The following ANKRD31 variants were observed in gnomAD, a reference collection of about 807,000 sequenced individuals.
The protein encoded by ANKRD31 is ankyrin repeat domain-containing protein 31.
ANKRD31 carries 147 observed loss-of-function variants against 186.0 expected under a neutral mutation model. That is an observed-to-expected ratio of 0.79 (90% CI 0.69 to 0.91). The LOEUF is 0.91. ANKRD31 is among the 40% of genes least tolerant of loss of function. The pLI, the probability that ANKRD31 is intolerant of heterozygous loss-of-function variation, is 0.00. For synonymous variants in ANKRD31, 673 were observed against 736.4 expected, an observed-to-expected ratio of 0.91 and a Z score of 1.39; for missense variants, 1,986 against 2,148.8, an observed-to-expected ratio of 0.92 and a Z score of 1.50.
At chr5:75,117,680 A>C (rs1027895376) in intron 18 of ANKRD31, among the ~76,000 whole-genome samples, 1 of 152,128 alleles carries the variant, frequency 6.6e-6, no homozygotes. Context: ...ATACTTAATA[A>C]AATATAAAGT....
intron 10 of ANKRD31, among the ~76,000 whole-genome samples, chr5:75,177,640 C>A (rs376058302): frequency 6.6e-5 from 10 of 152,102 alleles, no homozygotes; most frequent in Non-Finnish European, 1.2e-4. Flanking sequence ...ACTAAGCTTC[C>A]TAAGTGAAGG....
chr5:75,177,693 T>C (rs1753920388), intron 10 of ANKRD31, among the ~76,000 whole-genome samples: 1 of 152,182 alleles, frequency 6.6e-6, no homozygotes, highest in Non-Finnish European at 1.5e-5. Context: ...TGAGAGATTT[T>C]GTCACCACCA....
chr5:75,099,264 C>T (rs1255541531), intron 22 of ANKRD31, among the ~76,000 whole-genome samples: 2 of 152,216 alleles, frequency 1.3e-5, no homozygotes, highest in Admixed American at 6.5e-5. Context: ...ACCAGCCTTG[C>T]ATCCCAGGGA....
intron 17 of ANKRD31, among the ~76,000 whole-genome samples, chr5:75,130,542 C>T (rs576519412): frequency 2.9e-4 from 44 of 152,270 alleles, no homozygotes; most frequent in African/African-American, 8.2e-4. Flanking sequence ...CTGATTGGTG[C>T]ATTTACAAAC....
At chr5:75,220,793 G>T (rs1233967781) in intron 3 of ANKRD31, among the ~76,000 whole-genome samples, 3 of 152,066 alleles carry the variant, frequency 2.0e-5, no homozygotes, top group African/African-American at 7.2e-5. Context: ...CAGTCAAAAT[G>T]GCTATTAAAA....
intron 4 of ANKRD31, among the ~76,000 whole-genome samples, 177 bp downstream of exon 4, chr5:75,210,651 T>C (rs1181659772): frequency 1.3e-5 from 2 of 152,204 alleles, no homozygotes; most frequent in East Asian, 3.8e-4. Context: ...CAATGCTTCT[T>C]ATGAAATAAA....
chr5:75,234,522 A>G, intron 1 of ANKRD31, among the ~76,000 whole-genome samples: 1 of 152,378 alleles, frequency 6.6e-6, no homozygotes, highest in Non-Finnish European at 1.5e-5. Flanking sequence ...TGTAAGATCC[A>G]GTCTCCAAAA....
intron 17 of ANKRD31, among the ~76,000 whole-genome samples, chr5:75,119,990 T>C: frequency 6.6e-6 from 1 of 152,168 alleles, no homozygotes; most frequent in East Asian, 1.9e-4. Flanking sequence ...TGTGATATTT[T>C]GGGGAGAAAA....
chr5:75,235,301 A>G (rs918899896), intron 1 of ANKRD31, among the ~76,000 whole-genome samples: 2 of 137,790 alleles, frequency 1.5e-5, no homozygotes, highest in Non-Finnish European at 3.0e-5. Flanking sequence ...GCTGGAGTGC[A>G]GTGGAGTCAT....
At chr5:75,177,688 G>C (rs1753919748) in intron 10 of ANKRD31, among the ~76,000 whole-genome samples, 1 of 152,170 alleles carries the variant, frequency 6.6e-6, no homozygotes, top group African/African-American at 2.4e-5. Context: ...AATGCTGAGA[G>C]ATTTTGTCAC....
At chr5:75,114,135 T>C (rs1748007800) in intron 19 of ANKRD31, among the ~76,000 whole-genome samples, 1 of 152,178 alleles carries the variant, frequency 6.6e-6, no homozygotes, top group South Asian at 2.1e-4. Context: ...GCTATGTTCT[T>C]TTTTTTCAAA....
intron 12 of ANKRD31, among the ~76,000 whole-genome samples, chr5:75,150,544 T>C (rs527829536): frequency 3.5e-4 from 53 of 152,100 alleles, no homozygotes; most frequent in African/African-American, 1.2e-3. Flanking sequence ...TGGTGAAGCA[T>C]GATAACACAA....
intron 17 of ANKRD31, among the ~76,000 whole-genome samples, chr5:75,124,473 C>T (rs1158381966): frequency 6.6e-6 from 1 of 152,142 alleles, no homozygotes; most frequent in Non-Finnish European, 1.5e-5. Context: ...TAAAAAGATA[C>T]TTGTACTCAA....
chr5:75,080,620 G>A lies in ANKRD31; in HGVS notation c.5595C>T (p.Asp1865=). The change falls in exon 25 of 26, where the codon GAC becomes GAT. Residue 1865 remains aspartate (D), a synonymous_variant. Coordinates refer to ENST00000506364, the MANE Select transcript of ANKRD31 (RefSeq NM_001372053.1). ...TTGATTTGTTTGGTTCCTGTACTGG[G>A]TCATCTAAACAAGCAACTTCTGAAA... The part of the protein sequence containing the change: ...PCLPEVACLD[D]PVQEPNKSMF... 2 of 1,527,884 alleles carry A rather than the reference G, an allele frequency of 1.3e-6. No homozygotes were observed. The highest frequency in any genetic ancestry group is 1.2e-5 in the South Asian group (1 of 80,892). 94.6% of individuals were successfully genotyped at this position (1,527,884 alleles called of 1,614,324 possible).
rs77532465 is a variant in ANKRD31, at chr5:75,078,184, A to G, written c.5647+2384T>C. Among the ~76,000 whole-genome samples the G allele has an allele frequency of 2.5e-3, 377 of 152,278 alleles. 9 individuals carry two copies. In the East Asian group the frequency reaches 0.063, roughly 25 times the overall value. ...GAGAGTGGTAAATAAGAGCTGAAAT[A>G]AACACCCTATGCACTGTTATCAGGT... is the stretch of plus-strand genomic sequence containing the variant. On this transcript the variant is annotated intron_variant, in intron 25 of 25. Coordinates refer to ENST00000506364, the MANE Select transcript of ANKRD31 (RefSeq NM_001372053.1).
intron 23 of ANKRD31, among the ~76,000 whole-genome samples, chr5:75,087,512 GA>G (rs56339380): frequency 0.01 from 1,335 of 132,944 alleles, 11 homozygotes; most frequent in Non-Finnish European, 0.015. Flanking sequence ...GGCTCAAAAA[GA>G]AAAAAAAAAA....
At chr5:75,152,504 G>T (rs1751907302) in intron 12 of ANKRD31, among the ~76,000 whole-genome samples, 1 of 151,980 alleles carries the variant, frequency 6.6e-6, no homozygotes, top group Non-Finnish European at 1.5e-5. Flanking sequence ...ATATATAAAA[G>T]CCTTTGGGAG....
At position 75,144,180 on chromosome 5, in the gene ANKRD31, A is replaced by C. The variant is rs1381809927; in HGVS notation, c.3425-9T>G. On this transcript the variant is annotated splice_polypyrimidine_tract_variant and intron_variant, in intron 14 of 25. Coordinates refer to ENST00000506364, the MANE Select transcript of ANKRD31 (RefSeq NM_001372053.1). ...ATTAGTTAATTCCTCATCTGAAACAAACATTTTACAATATCAGTGTTGTTG... is the reference window on the plus strand; with the variant it reads ...ATTAGTTAATTCCTCATCTGAAACACACATTTTACAATATCAGTGTTGTTG... The C allele has an allele frequency of 1.5e-5, 6 of 396,702 alleles. No individual in the cohort carries two copies. Among genetic ancestry groups the C allele is most frequent in the Non-Finnish European group, 2.2e-5 (5 of 224,868 alleles). The allele number at this position is 396,702 out of a possible 1,614,324, so 24.6% of individuals were successfully genotyped here. A position where few individuals can be genotyped will look rare whatever the true frequency, so the allele number is the denominator to read the frequency against.
At chr5:75,068,760 T>G in intron 25 of ANKRD31, 96 bp from the exon 26 acceptor site, 1 of 1,264,440 alleles carries the variant, frequency 7.9e-7, no homozygotes, top group Non-Finnish European at 1.0e-6. Context: ...CAAGTCTATT[T>G]GAGAGCACAC....
Sources: allele counts gnomAD v4.1 joint callset (sites outside exome capture counted in the v4.1 genomes callset), GRCh38; gene constraint gnomAD v4.1.1; transcripts MANE v1.5; gene names NCBI Gene and HGNC (gene_info 2026-07-23, HGNC 2026-07-21).